The following HTR2C variants were observed in gnomAD, a reference collection of about 807,000 sequenced individuals.
HTR2C encodes the protein 5-hydroxytryptamine (serotonin) receptor 2C, G protein-coupled.
In HTR2C, 5 loss-of-function variants were observed where a neutral mutation model predicts 21.0. The observed-to-expected ratio is 0.24, with a 90% CI of 0.12 to 0.50. HTR2C has a LOEUF of 0.50. HTR2C is among the 20% of genes least tolerant of loss of function. HTR2C has a pLI of 0.98. For missense variants in HTR2C, 271 were observed against 371.2 expected, an observed-to-expected ratio of 0.73 and a Z score of 2.22; for synonymous variants, 150 against 145.3, an observed-to-expected ratio of 1.03 and a Z score of -0.23.
At chrX:114,602,588 A>G (rs1288140477) in intron 1 of HTR2C, among the ~76,000 whole-genome samples, 2 of 81,870 alleles carry the variant, frequency 2.4e-5, no homozygotes, top group Non-Finnish European at 4.8e-5. Flanking sequence ...AGAGCCCGAA[A>G]AACTGCTTGG....
chrX:114,758,766 G>A (rs183186273), intron 4 of HTR2C, among the ~76,000 whole-genome samples: 10 of 111,737 alleles, frequency 8.9e-5, no homozygotes, highest in African/African-American at 3.2e-4. Flanking sequence ...AATCAGTACT[G>A]ATACAGAGGT....
At chrX:114,835,137 C>T (rs2070769297) in intron 4 of HTR2C, among the ~76,000 whole-genome samples, 1 of 100,470 alleles carries the variant, frequency 1.0e-5, no homozygotes, top group African/African-American at 3.6e-5. Flanking sequence ...CTGCCCTTAA[C>T]ATTTTTTCCT....
At chrX:114,604,475 A>G (rs1297764402) in intron 1 of HTR2C, among the ~76,000 whole-genome samples, 1 of 109,670 alleles carries the variant, frequency 9.1e-6, no homozygotes, top group East Asian at 2.9e-4. Flanking sequence ...TAAGAAGGTA[A>G]TCACTTACCT....
chrX:114,858,441 G>A (rs782138552), intron 5 of HTR2C, among the ~76,000 whole-genome samples: 3 of 110,682 alleles, frequency 2.7e-5, no homozygotes. Flanking sequence ...TAGATTTATC[G>A]TTAGGTACTT....
At position 114,800,196 on chromosome X, in the gene HTR2C, G is replaced by T. The variant is rs782111718; in HGVS notation, c.350-47807G>T. ...GTCAATGTCAGAGGAAGCTGGAAAA[G>T]GTGGGTAGATGTTAAATTATAATAT... On this transcript the variant is annotated intron_variant, in intron 4 of 5. Transcript: ENST00000276198. Among the ~76,000 whole-genome samples the T allele has an allele frequency of 9.0e-5, 10 of 111,050 alleles. No individual in the cohort carries two copies. In the South Asian group the frequency reaches 3.7e-3, roughly 42 times the overall value.
chrX:114,606,264 C>A (rs983816171), intron 1 of HTR2C, among the ~76,000 whole-genome samples: 4 of 110,151 alleles, frequency 3.6e-5, no homozygotes, highest in Admixed American at 9.6e-5. Context: ...GGGTACTTGC[C>A]CCTCTCCCAG....
intron 2 of HTR2C, among the ~76,000 whole-genome samples, chrX:114,690,662 A>G (rs889202058): frequency 1.8e-5 from 2 of 111,755 alleles, no homozygotes; most frequent in Non-Finnish European, 3.8e-5. Flanking sequence ...ATAGAAAATC[A>G]TTGATTCTGG....
intron 5 of HTR2C, among the ~76,000 whole-genome samples, chrX:114,875,040 C>T (rs2071122364): frequency 9.0e-6 from 1 of 110,946 alleles, no homozygotes; most frequent in African/African-American, 3.3e-5. Context: ...TTCTATAAGC[C>T]AGGAAGTCCA....
At chrX:114,727,283 T>G (rs79934056) in intron 3 of HTR2C, among the ~76,000 whole-genome samples, 67 of 112,068 alleles carry the variant, frequency 6.0e-4, no homozygotes, top group Non-Finnish European at 9.4e-4. Flanking sequence ...AAGGAAAAAT[T>G]TCTGTCCTTT....
chrX:114,630,473 G>A (rs1929567363), intron 2 of HTR2C, among the ~76,000 whole-genome samples: 1 of 111,815 alleles, frequency 8.9e-6, no homozygotes, highest in Non-Finnish European at 1.9e-5. Context: ...CTCTTTGCAA[G>A]TTATTTCTTC....
chrX:114,808,447 C>T (rs1556451597), intron 4 of HTR2C, among the ~76,000 whole-genome samples: 1 of 111,565 alleles, frequency 9.0e-6, no homozygotes, highest in African/African-American at 3.3e-5. Context: ...GATATCTCTT[C>T]GATATACTGA....
chrX:114,634,955 C>G (rs782781918), intron 2 of HTR2C, among the ~76,000 whole-genome samples: 5 of 112,293 alleles, frequency 4.5e-5, no homozygotes, highest in African/African-American at 1.6e-4. Context: ...CAGCAATGAT[C>G]AATTCTAATT....
intron 5 of HTR2C, among the ~76,000 whole-genome samples, chrX:114,859,043 A>G (rs781986407): frequency 2.3e-3 from 247 of 108,696 alleles, no homozygotes; most frequent in African/African-American, 7.4e-3. Flanking sequence ...TTTTTTCTAT[A>G]TCATTGGATT....
rs966750798 is a variant in HTR2C, at chrX:114,633,873, C to G, written c.-80+19992C>G. Among the ~76,000 whole-genome samples the G allele has an allele frequency of 3.8e-5, 4 of 106,548 alleles. No individual in the cohort carries two copies. The Admixed American group carries it at 4.1e-4, about 11-fold the overall frequency. 92.5% of individuals were successfully genotyped at this position (106,548 alleles called of 115,157 possible). A position where few individuals can be genotyped will look rare whatever the true frequency, so the allele number is the denominator to read the frequency against. On this transcript the variant is annotated intron_variant, in intron 2 of 5. Transcript: ENST00000276198. ...GCAGATAAAACTATTGTTTTAAACA[C>G]CTAGTGATCTTACATTTTGGAGAGG...
In HTR2C at chrX:114,894,568, G is replaced by A. The variant is rs782173700; in HGVS notation, c.551-12021G>A. 3.6e-5 allele frequency among the ~76,000 whole-genome samples: 4 copies of A among 111,043 alleles called. No individual in the cohort carries two copies. The South Asian group carries it at 1.5e-3, about 43-fold the overall frequency. Reference sequence around the variant, plus strand: ...AATGTCCTATGTTTCAACTGGGATGGTGATTTCACAGATATATACATTTGT... The same window carrying A: ...AATGTCCTATGTTTCAACTGGGATGATGATTTCACAGATATATACATTTGT... On this transcript the variant is annotated intron_variant, in intron 5 of 5. Transcript: ENST00000276198.
At chrX:114,905,803 A>G (rs5988156) in intron 5 of HTR2C, among the ~76,000 whole-genome samples, 3,315 of 111,036 alleles carry the variant, frequency 0.03, 116 homozygotes, top group African/African-American at 0.1. Flanking sequence ...TTCTGCTCCC[A>G]CCTCCTCATT....
chrX:114,886,386 A>G (rs2071220301), intron 5 of HTR2C, among the ~76,000 whole-genome samples: 1 of 110,247 alleles, frequency 9.1e-6, no homozygotes, highest in African/African-American at 3.3e-5. Context: ...GCCATGTTAC[A>G]TTTTGTTTCT....
chrX:114,826,635 C>A lies in HTR2C; in HGVS notation c.350-21368C>A, dbSNP rs62594916. On this transcript the variant is annotated intron_variant, in intron 4 of 5. Coordinates refer to ENST00000276198, the MANE Select transcript of HTR2C (RefSeq NM_000868.4). ...AATCTGAGACTCTTCTAATCCCAGG[C>A]ATTTCAGATAAAGGATGCTCAGCTT... Among the ~76,000 whole-genome samples the A allele has an allele frequency of 2.7e-3, 299 of 111,826 alleles. 2 individuals are homozygous for A. Among genetic ancestry groups the A allele is most frequent in the Non-Finnish European group, 4.4e-3 (235 of 53,149 alleles).
At chrX:114,874,138 T>TTG (rs34475522) in intron 5 of HTR2C, among the ~76,000 whole-genome samples, 33 of 105,918 alleles carry the variant, frequency 3.1e-4, no homozygotes, top group African/African-American at 4.8e-4. Context: ...AATAATTCTC[T>TTG]TGTGTGTGTG....
Sources: allele counts gnomAD v4.1 joint callset (sites outside exome capture counted in the v4.1 genomes callset), GRCh38; gene constraint gnomAD v4.1.1; transcripts MANE v1.5; gene names NCBI Gene and HGNC (gene_info 2026-07-23, HGNC 2026-07-21).